MSRA: variants seen among roughly 807,000 people sequenced by gnomAD.
MSRA encodes the protein mitochondrial peptide methionine sulfoxide reductase.
In MSRA, 54 loss-of-function variants were observed where a neutral mutation model predicts 31.3. The ratio of observed to expected loss-of-function variants is 1.73; its 90% CI spans 1.39 to 2.17. The LOEUF (loss-of-function observed/expected upper bound fraction) is 2.17. Ranked by LOEUF, MSRA falls within the 30% of genes most tolerant of loss-of-function variation. MSRA has a pLI of 0.00. For synonymous variants in MSRA, 169 were observed against 116.5 expected (o/e 1.45, Z -2.90); for missense variants, 507 against 300.9 (o/e 1.69, Z -5.07).
chr8:10,253,381 T>C (rs1798017448), intron 3 of MSRA, among the ~76,000 whole-genome samples: 1 of 152,190 alleles, frequency 6.6e-6, no homozygotes, highest in Non-Finnish European at 1.5e-5. Context: ...CTTGAACAGC[T>C]TAAATCACTG....
intron 1 of MSRA, among the ~76,000 whole-genome samples, chr8:10,057,389 G>T (rs1336444675): frequency 1.3e-5 from 2 of 152,136 alleles, no homozygotes. Flanking sequence ...GAAGTGTATT[G>T]GTATTGTATT....
chr8:10,323,310 T>C lies in MSRA; in HGVS notation c.543+3321T>C, dbSNP rs755912299. Among the ~76,000 whole-genome samples, 5 of 152,254 alleles carry C rather than the reference T, an allele frequency of 3.3e-5. No homozygotes were observed. In the South Asian group the frequency reaches 8.3e-4, roughly 25 times the overall value. On this transcript the variant is annotated intron_variant, in intron 5 of 5. Transcript: ENST00000317173. The stretch of plus-strand genomic sequence containing the variant: ...TATAACTACTACTAAAAGTCACATA[T>C]GATAATGCCATCTATAAACTCCCTT...
At chr8:10,359,499 C>G (rs1260306873) in intron 5 of MSRA, among the ~76,000 whole-genome samples, 2 of 152,054 alleles carry the variant, frequency 1.3e-5, no homozygotes, top group Non-Finnish European at 2.9e-5. Flanking sequence ...TTTGGTCCAT[C>G]TTTTTGGCAT....
intron 1 of MSRA, among the ~76,000 whole-genome samples, chr8:10,103,395 G>T (rs1799662755): frequency 6.6e-6 from 1 of 152,184 alleles, no homozygotes; most frequent in South Asian, 2.1e-4. Flanking sequence ...CGGGTCATCT[G>T]TGCTGTAGCA....
At chr8:10,287,176 A>C (rs756165572) in intron 3 of MSRA, among the ~76,000 whole-genome samples, 14 of 152,180 alleles carry the variant, frequency 9.2e-5, no homozygotes, top group Non-Finnish European at 1.5e-4. Flanking sequence ...CCGAGTCTGC[A>C]TCTATACGAA....
At chr8:10,217,768 C>G (rs1387092811) in intron 2 of MSRA, among the ~76,000 whole-genome samples, 1 of 152,130 alleles carries the variant, frequency 6.6e-6, no homozygotes, top group African/African-American at 2.4e-5. Flanking sequence ...TAAAATAATA[C>G]TTTTTAAATA....
chr8:10,254,877 C>A (rs1471926959), intron 3 of MSRA, among the ~76,000 whole-genome samples: 2 of 152,338 alleles, frequency 1.3e-5, no homozygotes, highest in East Asian at 3.9e-4. Flanking sequence ...ATCTAGAGAT[C>A]TGGAAGCGTT....
At chr8:10,397,746 A>T (rs1320325245) in intron 5 of MSRA, among the ~76,000 whole-genome samples, 1 of 152,242 alleles carries the variant, frequency 6.6e-6, no homozygotes, top group African/African-American at 2.4e-5. Context: ...GTGGAACATG[A>T]AGATGTTGTT....
At chr8:10,079,787 G>A (rs1331785797) in intron 1 of MSRA, among the ~76,000 whole-genome samples, 2 of 152,188 alleles carry the variant, frequency 1.3e-5, no homozygotes, top group African/African-American at 2.4e-5. Flanking sequence ...GCCAAGGTGA[G>A]AAGCCACTGT....
chr8:10,280,254 T>A (rs1299749409), intron 3 of MSRA, among the ~76,000 whole-genome samples: 2 of 152,286 alleles, frequency 1.3e-5, no homozygotes, highest in East Asian at 3.9e-4. Context: ...CTATGCTTCA[T>A]TAACTTTTGC....
At chr8:10,148,799 C>T (rs1361311657) in intron 1 of MSRA, among the ~76,000 whole-genome samples, 5 of 95,234 alleles carry the variant, frequency 5.3e-5, no homozygotes, top group South Asian at 4.6e-4. Context: ...GAGACCCTGT[C>T]GCAAAAAAAA....
At chr8:10,261,072 T>C (rs990081776) in intron 3 of MSRA, among the ~76,000 whole-genome samples, 2 of 152,084 alleles carry the variant, frequency 1.3e-5, no homozygotes, top group South Asian at 4.1e-4. Context: ...CAAATAGTAC[T>C]AAACTAAAAC....
At chr8:10,360,182 T>G (rs963340169) in intron 5 of MSRA, among the ~76,000 whole-genome samples, 1 of 152,190 alleles carries the variant, frequency 6.6e-6, no homozygotes, top group South Asian at 2.1e-4. Flanking sequence ...CTCTCAGTGT[T>G]AGCCACTGTT....
At chr8:10,421,768 G>C (rs559452337) in intron 5 of MSRA, among the ~76,000 whole-genome samples, 6 of 152,142 alleles carry the variant, frequency 3.9e-5, no homozygotes, top group Non-Finnish European at 8.8e-5. Context: ...TGGAGACCGA[G>C]CTGAGGTGGA....
rs1434909010 is a variant in MSRA at position 10,406,404 on chromosome 8, C to G, written c.544-21744C>G. Reference sequence around the variant, plus strand: ...TTGTCACTTTCATTTTAGAGATGAGCAAATCCAAGTACAGAAAGGCTAAGT... The same window carrying G: ...TTGTCACTTTCATTTTAGAGATGAGGAAATCCAAGTACAGAAAGGCTAAGT... On this transcript the variant is annotated intron_variant, in intron 5 of 5. Coordinates refer to ENST00000317173, the MANE Select transcript of MSRA (RefSeq NM_012331.5). Among the ~76,000 whole-genome samples, 3 of 152,310 alleles carry G rather than the reference C, an allele frequency of 2.0e-5. No homozygotes were observed. The East Asian group carries it at 5.8e-4, about 29-fold the overall frequency.
chr8:10,206,980 C>T (rs998309665), intron 1 of MSRA, among the ~76,000 whole-genome samples: 2 of 152,172 alleles, frequency 1.3e-5, no homozygotes, highest in Non-Finnish European at 2.9e-5. Context: ...TACATCAAAG[C>T]GTCTCTGCCG....
chr8:10,318,926 C>T (rs116946518), intron 4 of MSRA, among the ~76,000 whole-genome samples: 74 of 152,264 alleles, frequency 4.9e-4, no homozygotes, highest in Middle Eastern at 3.4e-3. Context: ...CTGAAGGCAC[C>T]GCACTGCTCC....
At chr8:10,424,149 G>T (rs1302216130) in intron 5 of MSRA, among the ~76,000 whole-genome samples, 1 of 152,238 alleles carries the variant, frequency 6.6e-6, no homozygotes, top group East Asian at 1.9e-4. Flanking sequence ...TGGGTCCTCA[G>T]AGATGGATAG....
intron 3 of MSRA, among the ~76,000 whole-genome samples, chr8:10,266,789 G>T (rs992406734): frequency 1.3e-5 from 2 of 152,110 alleles, no homozygotes; most frequent in East Asian, 1.9e-4. Flanking sequence ...ATAGCAAAAG[G>T]CACATATTGG....
Sources: allele counts gnomAD v4.1 joint callset (sites outside exome capture counted in the v4.1 genomes callset), GRCh38; gene constraint gnomAD v4.1.1; transcripts MANE v1.5; gene names NCBI Gene and HGNC (gene_info 2026-07-23, HGNC 2026-07-21).